DERA: variants seen among roughly 807,000 people sequenced by gnomAD.
The protein encoded by DERA is 2-deoxy-D-ribose 5-phosphate aldolase.
DERA carries 15 observed loss-of-function variants against 41.1 expected under a neutral mutation model. The observed-to-expected ratio is 0.37, with a 90% CI of 0.24 to 0.56. The LOEUF is 0.56. DERA is among the 20% of genes least tolerant of loss of function. DERA has a pLI of 0.81. For missense variants in DERA, 396 were observed against 403.4 expected, an observed-to-expected ratio of 0.98 and a Z score of 0.16; for synonymous variants, 139 against 137.4, an observed-to-expected ratio of 1.01 and a Z score of -0.08.
intron 6 of DERA, among the ~76,000 whole-genome samples, chr12:15,986,674 C>T (rs949164542): frequency 2.6e-5 from 4 of 151,918 alleles, no homozygotes; most frequent in African/African-American, 9.7e-5. Context: ...CCTCTTACTA[C>T]AATGATACGA....
At chr12:15,939,545 C>T (rs1262382538) in intron 1 of DERA, among the ~76,000 whole-genome samples, 1 of 151,736 alleles carries the variant, frequency 6.6e-6, no homozygotes, top group Non-Finnish European at 1.5e-5. Flanking sequence ...TTTATGTCTC[C>T]CTCTTTGCAA....
At position 15,938,458 on chromosome 12, in the gene DERA, A is replaced by G. The variant is rs765997502; in HGVS notation, c.32-18478A>G. 9.9e-5 allele frequency among the ~76,000 whole-genome samples: 15 copies of G among 152,214 alleles called. No homozygotes were observed. The highest frequency in any genetic ancestry group is 1.9e-4 in the Non-Finnish European group (13 of 68,048). Reference sequence around the variant, plus strand: ...TATATTATCTCAGCATTATAAAACAACACAAGTTGAATTATTACTCTGCTT... The same window carrying G: ...TATATTATCTCAGCATTATAAAACAGCACAAGTTGAATTATTACTCTGCTT... On this transcript the variant is annotated intron_variant, in intron 1 of 8. Coordinates refer to ENST00000428559, the MANE Select transcript of DERA (RefSeq NM_015954.4). This position sits in a 1 kb window ranked among gnomAD's most constrained non-coding sequence, Gnocchi z 4.1.
chr12:15,979,826 G>C (rs1216893333), intron 5 of DERA, among the ~76,000 whole-genome samples: 1 of 152,098 alleles, frequency 6.6e-6, no homozygotes, highest in African/African-American at 2.4e-5. Context: ...TGGTTTTCGT[G>C]GTTAATTTTA....
intron 1 of DERA, among the ~76,000 whole-genome samples, chr12:15,949,027 A>G (rs1232262401): frequency 6.6e-6 from 1 of 152,210 alleles, no homozygotes; most frequent in Non-Finnish European, 1.5e-5. Context: ...ATTGCTGAAC[A>G]GCAAATGTTG....
intron 7 of DERA, among the ~76,000 whole-genome samples, chr12:16,033,216 A>G (rs1168210777): frequency 6.6e-6 from 1 of 152,252 alleles, no homozygotes; most frequent in Admixed American, 6.5e-5. Flanking sequence ...ACTTTTAATA[A>G]TATGAGGTGA....
rs867373039 is a variant in DERA, at chr12:16,014,603, C to T, written c.638-17939C>T. Among the ~76,000 whole-genome samples, 3 of 152,180 alleles carry T rather than the reference C, an allele frequency of 2.0e-5. No homozygotes were observed. Among genetic ancestry groups the T allele is most frequent in the Admixed American group, 6.5e-5 (1 of 15,280 alleles). ...GAAGTTTACTGCAGAGGGGAGCCCT[C>T]GTGGAGAACCTCTGCTAGGGCAGTG... On this transcript the variant is annotated intron_variant, in intron 6 of 8. Coordinates refer to ENST00000428559, the MANE Select transcript of DERA (RefSeq NM_015954.4). This position sits in a 1 kb window ranked among gnomAD's most constrained non-coding sequence, Gnocchi z 5.4.
In DERA at chr12:16,014,867, A is replaced by C. The variant is rs569785046; in HGVS notation, c.638-17675A>C. On this transcript the variant is annotated intron_variant, in intron 6 of 8. Transcript: ENST00000428559. The surrounding 1 kb of genome is among the most constrained non-coding windows in gnomAD (Gnocchi z 5.4). ...GAGCTGCCCAAGACCATTGGAACCCACCTCTGCATCAGCGTGACCTTGATA... is the reference window on the plus strand; with the variant it reads ...GAGCTGCCCAAGACCATTGGAACCCCCCTCTGCATCAGCGTGACCTTGATA... Among the ~76,000 whole-genome samples the C allele has an allele frequency of 9.9e-5, 15 of 152,236 alleles. No homozygotes were observed. The highest frequency in any genetic ancestry group is 3.4e-4 in the African/African-American group (14 of 41,544).
At chr12:15,947,162 G>A (rs943375415) in intron 1 of DERA, among the ~76,000 whole-genome samples, 1 of 152,190 alleles carries the variant, frequency 6.6e-6, no homozygotes, top group African/African-American at 2.4e-5. Context: ...GTGATATGGT[G>A]CTGAGAGGAA....
Position 15,954,997 on chromosome 12 carries a change from GA to G in DERA, c.32-1928del, listed in dbSNP as rs998441380. 6.2e-4 allele frequency among the ~76,000 whole-genome samples: 88 copies of G among 142,594 alleles called. No homozygotes were observed. Among genetic ancestry groups the G allele is most frequent in the African/African-American group, 1.2e-3 (46 of 39,136 alleles). 93.5% of individuals were successfully genotyped at this position (142,594 alleles called of 152,430 possible). A position where few individuals can be genotyped will look rare whatever the true frequency, so the allele number is the denominator to read the frequency against. ...ATCAGCATTATCAATCATCTGAGGA[GA>G]AAAAAAAAAAGCCTCTTAGGGCTGG... is the stretch of plus-strand genomic sequence containing the variant. On this transcript the variant is annotated intron_variant, in intron 1 of 8. Coordinates refer to ENST00000428559, the MANE Select transcript of DERA (RefSeq NM_015954.4). The surrounding 1 kb of genome is among the most constrained non-coding windows in gnomAD (Gnocchi z 4.0).
chr12:15,986,002 T>G (rs1179934303), intron 6 of DERA, among the ~76,000 whole-genome samples: 1 of 152,120 alleles, frequency 6.6e-6, no homozygotes, highest in East Asian at 1.9e-4. Flanking sequence ...CGTCTGTCAG[T>G]TTTTTCATCA....
At chr12:16,015,854 A>T (rs1948977977) in intron 6 of DERA, among the ~76,000 whole-genome samples, 1 of 152,222 alleles carries the variant, frequency 6.6e-6, no homozygotes, top group Non-Finnish European at 1.5e-5. Flanking sequence ...AGCTAATGAT[A>T]CTTTTCCTTG....
chr12:16,002,712 C>T (rs889690869), intron 6 of DERA, among the ~76,000 whole-genome samples: 22 of 152,192 alleles, frequency 1.4e-4, no homozygotes, highest in South Asian at 2.1e-4. Flanking sequence ...AGCTAGTTGC[C>T]ACCTAGGACT....
intron 5 of DERA, among the ~76,000 whole-genome samples, chr12:15,980,271 A>G (rs1423250440): frequency 2.0e-5 from 3 of 152,188 alleles, no homozygotes; most frequent in African/African-American, 7.2e-5. Context: ...GACAGAAATA[A>G]CTTGCCTAAG....
Position 15,915,902 on chromosome 12 carries a change from T to C in DERA, c.31+4488T>C, listed in dbSNP as rs1192816443. Among the ~76,000 whole-genome samples, 1 of 152,208 alleles carries C rather than the reference T, an allele frequency of 6.6e-6. No individual in the cohort carries two copies. The highest frequency in any genetic ancestry group is 1.9e-4 in the East Asian group (1 of 5,194). The stretch of plus-strand genomic sequence containing the variant: ...TATAGCTAATGTGGCAGAGCCAGAA[T>C]TCAAGCCCAGGTGATTTGGTGCTAA... On this transcript the variant is annotated intron_variant, in intron 1 of 8. Transcript: ENST00000428559. This position sits in a 1 kb window ranked among gnomAD's most constrained non-coding sequence, Gnocchi z 4.8.
At chr12:15,946,608 TTC>T (rs1948451290) in intron 1 of DERA, among the ~76,000 whole-genome samples, 2 of 152,244 alleles carry the variant, frequency 1.3e-5, no homozygotes, top group East Asian at 3.9e-4. Context: ...TATTTGATTC[TTC>T]TCTGTTTTCT....
In DERA at chr12:15,922,471, A is replaced by G. The variant is rs1016678911; in HGVS notation, c.31+11057A>G. Among the ~76,000 whole-genome samples, 3 of 152,222 alleles carry G rather than the reference A, an allele frequency of 2.0e-5. No homozygotes were observed. The highest frequency in any genetic ancestry group is 7.2e-5 in the African/African-American group (3 of 41,462). ...TATATTTGACTGAGTGTTGCATTAAACTACTAATATAGAGAAATTTTGGGA... is the reference window on the plus strand; with the variant it reads ...TATATTTGACTGAGTGTTGCATTAAGCTACTAATATAGAGAAATTTTGGGA... On this transcript the variant is annotated intron_variant, in intron 1 of 8. Transcript: ENST00000428559. The surrounding 1 kb of genome is among the most constrained non-coding windows in gnomAD (Gnocchi z 4.9).
chr12:15,958,401 C>G, intron 3 of DERA, 66 bp downstream of exon 3: 1 of 1,320,248 alleles, frequency 7.6e-7, no homozygotes, highest in Non-Finnish European at 1.0e-6. Context: ...AAATCAAAGA[C>G]GACTTAAGAT....
intron 1 of DERA, among the ~76,000 whole-genome samples, chr12:15,932,564 C>A (rs768014739): frequency 6.6e-6 from 1 of 151,728 alleles, no homozygotes; most frequent in Non-Finnish European, 1.5e-5. Context: ...ATTGCTTGAG[C>A]CTGGGAGGAG....
In DERA at chr12:15,928,651, G is replaced by A. The variant is rs1948304865; in HGVS notation, c.31+17237G>A. On this transcript the variant is annotated intron_variant, in intron 1 of 8. Coordinates refer to ENST00000428559, the MANE Select transcript of DERA (RefSeq NM_015954.4). The surrounding 1 kb of genome is among the most constrained non-coding windows in gnomAD (Gnocchi z 4.6). ...TGCATGCTTTTCCCACCCCCGAGGTGTCTACTTGGAGAGTTTCCCCTATTA... is the reference window on the plus strand; with the variant it reads ...TGCATGCTTTTCCCACCCCCGAGGTATCTACTTGGAGAGTTTCCCCTATTA... Among the ~76,000 whole-genome samples the A allele has an allele frequency of 6.6e-6, 1 of 152,162 alleles. No homozygotes were observed. The highest frequency in any genetic ancestry group is 2.1e-4 in the South Asian group (1 of 4,832).
Sources: gnomAD v4.1 joint callset for allele counts (sites outside exome capture counted in the v4.1 genomes callset) on GRCh38, gnomAD v4.1.1 for gene constraint, Gnocchi (gnomAD v3.1) non-coding constraint, MANE v1.5 for transcripts, NCBI Gene and HGNC (gene_info 2026-07-23, HGNC 2026-07-21) for gene names.